The following CHODL variants were observed in gnomAD, a reference collection of about 807,000 sequenced individuals.
The protein encoded by CHODL is transmembrane protein MT75.
Under a neutral mutation model 34.5 loss-of-function variants are expected in CHODL, and 29 were observed. The observed-to-expected ratio is 0.84, with a 90% confidence interval of 0.63 to 1.15. The LOEUF is 1.15. CHODL is among the 50% of genes most tolerant of loss of function. The pLI is 0.00. For missense variants in CHODL, 332 were observed against 332.5 expected, an observed-to-expected ratio of 1.00 and a Z score of 0.01; for synonymous variants, 125 against 116.1, an observed-to-expected ratio of 1.08 and a Z score of -0.49.
chr21:18,134,679 C>A (rs2072698673), intron 2 of CHODL, among the ~76,000 whole-genome samples: 1 of 152,212 alleles, frequency 6.6e-6, no homozygotes, highest in Non-Finnish European at 1.5e-5. Context: ...ATCCATCATG[C>A]TGAGGCACTT....
chr21:18,168,136 C>T (rs1004750986), intron 2 of CHODL, among the ~76,000 whole-genome samples: 3 of 152,162 alleles, frequency 2.0e-5, no homozygotes, highest in African/African-American at 2.4e-5. Context: ...CTCAGACCTT[C>T]CCACCGCAAA....
chr21:18,090,103 A>AT (rs2065053885), intron 2 of CHODL, among the ~76,000 whole-genome samples: 1 of 152,248 alleles, frequency 6.6e-6, no homozygotes, highest in African/African-American at 2.4e-5. Flanking sequence ...ATACTGACTA[A>AT]TTACAACTCT....
intron 2 of CHODL, among the ~76,000 whole-genome samples, chr21:18,145,264 C>T (rs1170925124): frequency 8.1e-6 from 1 of 123,158 alleles, no homozygotes; most frequent in African/African-American, 3.0e-5. Flanking sequence ...GTGAAACCCC[C>T]GTCTCTACTA....
intron 2 of CHODL, among the ~76,000 whole-genome samples, chr21:18,100,626 G>A (rs1217322800): frequency 6.6e-6 from 1 of 152,094 alleles, no homozygotes; most frequent in Non-Finnish European, 1.5e-5. Context: ...GCCTTTAGAG[G>A]AACAGAGGTG....
chr21:18,128,296 C>CAAAAAAAAAAAAAGAAA (rs2072603568), intron 2 of CHODL, among the ~76,000 whole-genome samples: 1 of 28,046 alleles, frequency 3.6e-5, no homozygotes, highest in Non-Finnish European at 6.2e-5. Context: ...GCAAGAGTCT[C>CAAAAAAAAAAAAAGAAA]AAAAAAAAAA....
At chr21:18,143,217 A>G (rs1182938738) in intron 2 of CHODL, among the ~76,000 whole-genome samples, 1 of 152,202 alleles carries the variant, frequency 6.6e-6, no homozygotes, top group Non-Finnish European at 1.5e-5. Context: ...GTTAAGCACC[A>G]TAAATTAATC....
chr21:18,082,200 A>C (rs2064950857), intron 2 of CHODL, among the ~76,000 whole-genome samples: 1 of 151,162 alleles, frequency 6.6e-6, no homozygotes, highest in South Asian at 2.1e-4. Context: ...TTCCCCCTTC[A>C]CTCCCTCTTT....
chr21:18,074,476 A>C (rs2064841572), intron 2 of CHODL, among the ~76,000 whole-genome samples: 1 of 152,196 alleles, frequency 6.6e-6, no homozygotes, highest in South Asian at 2.1e-4. Flanking sequence ...ATATGAGGTA[A>C]TAACATACAT....
intron 2 of CHODL, among the ~76,000 whole-genome samples, chr21:18,103,513 G>T (rs1162116918): frequency 6.6e-6 from 1 of 152,218 alleles, no homozygotes. Context: ...TACATTTCAT[G>T]ATTTTTTGGG....
intron 2 of CHODL, among the ~76,000 whole-genome samples, chr21:18,186,344 T>C (rs79762059): frequency 0.022 from 3,365 of 151,938 alleles, 97 homozygotes; most frequent in African/African-American, 0.069. Context: ...TAGGACAAAT[T>C]CCATCAGAAT....
At chr21:18,002,137 A>G (rs577969210) in intron 1 of CHODL, among the ~76,000 whole-genome samples, 1 of 152,208 alleles carries the variant, frequency 6.6e-6, no homozygotes, top group Non-Finnish European at 1.5e-5. Flanking sequence ...TGGGCATAAG[A>G]AAAAGGCTGG....
intron 2 of CHODL, among the ~76,000 whole-genome samples, chr21:18,163,138 T>C (rs564495532): frequency 1.4e-4 from 21 of 152,352 alleles, no homozygotes; most frequent in African/African-American, 4.3e-4. Context: ...TAAAAATTTT[T>C]GTACATGGAT....
chr21:18,120,929 G>A (rs936242518), intron 2 of CHODL, among the ~76,000 whole-genome samples: 9 of 151,656 alleles, frequency 5.9e-5, no homozygotes, highest in Non-Finnish European at 1.2e-4. Flanking sequence ...CAAGCTTAGG[G>A]AAGATGGCAT....
At chr21:18,265,852 G>C (rs532432947) in intron 5 of CHODL, 102 bp from the exon 6 acceptor site, 1 of 850,850 alleles carries the variant, frequency 1.2e-6, no homozygotes. Context: ...GAGAGGGGGA[G>C]TCTTTCATAA....
At chr21:18,077,955 A>C (rs1341564661) in intron 2 of CHODL, among the ~76,000 whole-genome samples, 1 of 152,196 alleles carries the variant, frequency 6.6e-6, no homozygotes, top group Non-Finnish European at 1.5e-5. Flanking sequence ...GCCTTGAAGA[A>C]GAAGGGGAGA....
At chr21:17,983,249 C>G (rs1336969106) in intron 1 of CHODL, among the ~76,000 whole-genome samples, 1 of 152,192 alleles carries the variant, frequency 6.6e-6, no homozygotes, top group Non-Finnish European at 1.5e-5. Flanking sequence ...CAATAATCCA[C>G]TGTGTGGACA....
intron 2 of CHODL, among the ~76,000 whole-genome samples, chr21:18,089,320 T>C (rs2146526644): frequency 6.6e-6 from 1 of 152,246 alleles, no homozygotes; most frequent in East Asian, 1.9e-4. Context: ...TAGATATTAT[T>C]TATTAATTTA....
intron 2 of CHODL, among the ~76,000 whole-genome samples, chr21:18,093,979 A>C (rs1488067037): frequency 1.3e-5 from 2 of 152,164 alleles, no homozygotes; most frequent in Non-Finnish European, 2.9e-5. Flanking sequence ...TACAGGAAAC[A>C]CACTTCACCT....
intron 2 of CHODL, among the ~76,000 whole-genome samples, chr21:18,056,753 T>C (rs958978763): frequency 6.6e-6 from 1 of 152,114 alleles, no homozygotes; most frequent in African/African-American, 2.4e-5. Context: ...TCTGTTATTA[T>C]GCTTTTAATC....
Sources: gnomAD v4.1 joint callset for allele counts (sites outside exome capture counted in the v4.1 genomes callset) on GRCh38, gnomAD v4.1.1 for gene constraint, MANE v1.5 for transcripts, NCBI Gene and HGNC (gene_info 2026-07-23, HGNC 2026-07-21) for gene names.